Variants in ABCG1 observed in about 807,000 individuals in gnomAD.
ABCG1 encodes the protein ATP binding cassette subfamily G member 1, also known as ATP-binding cassette sub-family G member 1.
Under a neutral mutation model 69.2 loss-of-function variants are expected in ABCG1, and 29 were observed. The ratio of observed to expected loss-of-function variants is 0.42; its 90% CI spans 0.31 to 0.57. The LOEUF is 0.57. ABCG1 is among the 20% of genes least tolerant of loss of function. The probability of loss-of-function intolerance (pLI) is 0.15; values close to 1 mark genes in which losing one functional copy is unlikely to be tolerated. For synonymous variants in ABCG1, 370 were observed against 374.8 expected (o/e 0.99, Z 0.15); for missense variants, 718 against 898.1 (o/e 0.80, Z 2.56).
At chr21:42,237,084 C>G (rs1443014903) in intron 2 of ABCG1, among the ~76,000 whole-genome samples, 1 of 152,220 alleles carries the variant, frequency 6.6e-6, no homozygotes, top group Non-Finnish European at 1.5e-5. Context: ...CCATGTGCCC[C>G]TGCCCAAACC....
intron 5 of ABCG1, among the ~76,000 whole-genome samples, chr21:42,277,494 G>A (rs1290802053): frequency 2.5e-4 from 38 of 151,896 alleles, no homozygotes; most frequent in Non-Finnish European, 2.9e-5. Context: ...CCTAAACCCA[G>A]GGAGCAGGGA....
At position 42,255,489 on chromosome 21, in the gene ABCG1, G is replaced by A. The variant is rs368125525; in HGVS notation, c.287-15581G>A. 8.5e-5 allele frequency among the ~76,000 whole-genome samples: 13 copies of A among 152,320 alleles called. 1 individual carries two copies. The highest frequency in any genetic ancestry group is 1.9e-4 in the East Asian group (1 of 5,188). On this transcript the variant is annotated intron_variant, in intron 2 of 14. Coordinates refer to ENST00000398449, the MANE Select transcript of ABCG1 (RefSeq NM_016818.3). ...GCGTGTGCCTGTGTGCACATGGTGT[G>A]TGCATGGCATGGGTGTGTATCATGG... is the stretch of plus-strand genomic sequence containing the variant.
intron 2 of ABCG1, among the ~76,000 whole-genome samples, chr21:42,237,964 G>A (rs530066477): frequency 2.0e-5 from 3 of 152,292 alleles, no homozygotes; most frequent in African/African-American, 7.2e-5. Flanking sequence ...TGCAGAACAG[G>A]GCTGATCCAA....
intron 5 of ABCG1, among the ~76,000 whole-genome samples, chr21:42,280,184 C>T (rs1054207180): frequency 6.6e-6 from 1 of 152,226 alleles, no homozygotes; most frequent in African/African-American, 2.4e-5. Context: ...ATCGGGCCCA[C>T]CATCAGGATT....
rs151270569 is a variant in ABCG1, at chr21:42,263,814, G to T, written c.287-7256G>T. On this transcript the variant is annotated intron_variant, in intron 2 of 14. Transcript: ENST00000398449. ...CTCTGGGCATTGCCTGATGGCTCTG[G>T]TCCCAAAGGGGTCTGTCCTGTCAGA... is the stretch of plus-strand genomic sequence containing the variant. Among the ~76,000 whole-genome samples the T allele has an allele frequency of 2.5e-3, 381 of 152,354 alleles. 2 individuals are homozygous for T. Among genetic ancestry groups the T allele is most frequent in the African/African-American group, 8.9e-3 (368 of 41,576 alleles).
At chr21:42,242,329 C>T (rs564427587) in intron 2 of ABCG1, among the ~76,000 whole-genome samples, 14 of 152,322 alleles carry the variant, frequency 9.2e-5, no homozygotes, top group African/African-American at 2.6e-4. Flanking sequence ...CATAGCGAGA[C>T]GCTGTCTCTA....
chr21:42,257,328 G>A (rs1219191085), intron 2 of ABCG1, among the ~76,000 whole-genome samples: 1 of 152,246 alleles, frequency 6.6e-6, no homozygotes, highest in Non-Finnish European at 1.5e-5. Flanking sequence ...AGCTGGGCTG[G>A]AGTCTATGTA....
At chr21:42,272,663 C>T (rs1455368017) in intron 3 of ABCG1, among the ~76,000 whole-genome samples, 3 of 152,226 alleles carry the variant, frequency 2.0e-5, no homozygotes, top group Non-Finnish European at 4.4e-5. Flanking sequence ...CAGAGGCGCA[C>T]AGTAGGTCTG....
chr21:42,259,403 C>T (rs915842), intron 2 of ABCG1: 258,021 of 1,548,854 alleles, frequency 0.17, 23,472 homozygotes, highest in African/African-American at 0.35. Context: ...CCTGCAAAAT[C>T]GAAAATGTCT....
chr21:42,279,931 C>T (rs891670850), intron 5 of ABCG1, among the ~76,000 whole-genome samples: 1 of 152,220 alleles, frequency 6.6e-6, no homozygotes, highest in South Asian at 2.1e-4. Context: ...GCCTAAGACA[C>T]GGCCCGGATG....
chr21:42,260,183 G>A (rs1483955062), intron 2 of ABCG1: 5 of 1,549,920 alleles, frequency 3.2e-6, no homozygotes, highest in African/African-American at 2.7e-5. Flanking sequence ...CTGGTCACGT[G>A]GCCCTAAAGG....
intron 3 of ABCG1, 93 bp downstream of exon 3, chr21:42,271,280 G>A (rs1172838278): frequency 1.2e-6 from 1 of 811,764 alleles, no homozygotes; most frequent in East Asian, 3.0e-5. Context: ...CCATCACCTG[G>A]AGCAGGCTGT....
chr21:42,205,747 T>C (rs1157123008), intron 2 of ABCG1, among the ~76,000 whole-genome samples: 1 of 152,236 alleles, frequency 6.6e-6, no homozygotes, highest in Non-Finnish European at 1.5e-5. Context: ...TTCTCTCCTT[T>C]TTCTACATTC....
chr21:42,246,177 G>T (rs1297699721), intron 2 of ABCG1, among the ~76,000 whole-genome samples: 1 of 152,150 alleles, frequency 6.6e-6, no homozygotes. Flanking sequence ...TTTGCAGAAC[G>T]GTGCAGTGAC....
chr21:42,288,128 C>T lies in ABCG1; in HGVS notation c.1123-83C>T, dbSNP rs2068981027. On this transcript the variant is annotated intron_variant, in intron 9 of 14. Transcript: ENST00000398449. This position sits in a 1 kb window ranked among gnomAD's most constrained non-coding sequence, Gnocchi z 4.8. The stretch of plus-strand genomic sequence containing the variant: ...AGGCTGCACGTGGCACCGTGCACTG[C>T]TGCATGAGAGCTCTTTCCGAGCAAG... The T allele has an allele frequency of 6.2e-7, 1 of 1,611,220 alleles. No individual in the cohort carries two copies. Among genetic ancestry groups the T allele is most frequent in the Non-Finnish European group, 8.5e-7 (1 of 1,177,406 alleles).
At position 42,219,998 on chromosome 21, in the gene ABCG1, G is replaced by T. The variant is rs2123496097; in HGVS notation, c.42+694G>T. ...TGCGCATTTCACTTCCCCGAGCTCC[G>T]GAGAGGGATGGCGGGGTGTCGGCGA... On this transcript the variant is annotated intron_variant, in intron 1 of 14. Coordinates refer to ENST00000398449, the MANE Select transcript of ABCG1 (RefSeq NM_016818.3). The surrounding 1 kb of genome is among the most constrained non-coding windows in gnomAD (Gnocchi z 5.3). 6.4e-7 allele frequency: 1 copy of T among 1,553,508 alleles called. No homozygotes were observed. Among genetic ancestry groups the T allele is most frequent in the Non-Finnish European group, 8.7e-7 (1 of 1,147,898 alleles).
chr21:42,221,691 T>C (rs1007139481), intron 1 of ABCG1, among the ~76,000 whole-genome samples: 1 of 152,180 alleles, frequency 6.6e-6, no homozygotes, highest in African/African-American at 2.4e-5. Flanking sequence ...TTAGGATGCT[T>C]AGGCAGGTAC....
At chr21:42,221,125 C>A (rs962022653) in intron 1 of ABCG1, 1 of 151,856 alleles carries the variant, frequency 6.6e-6, no homozygotes, top group African/African-American at 2.4e-5. Context: ...AAATTATTTT[C>A]CTCTCTGAAA....
rs144799342 is a variant in ABCG1 at position 42,229,564 on chromosome 21, A to C, written c.286+3650A>C. 8.2e-3 allele frequency among the ~76,000 whole-genome samples: 1,239 copies of C among 151,930 alleles called. 10 individuals are homozygous for C. Among genetic ancestry groups the C allele is most frequent in the Middle Eastern group, 0.014 (4 of 294 alleles). On this transcript the variant is annotated intron_variant, in intron 2 of 14. Coordinates refer to ENST00000398449, the MANE Select transcript of ABCG1 (RefSeq NM_016818.3). Reference sequence around the variant, plus strand: ...GAAACCCTGTCTCTAGTAGAAATACAAAAAAAATAGCCAAGCGTGGTGGCG... The same window carrying C: ...GAAACCCTGTCTCTAGTAGAAATACCAAAAAAATAGCCAAGCGTGGTGGCG...
Sources: allele counts gnomAD v4.1 joint callset (sites outside exome capture counted in the v4.1 genomes callset), GRCh38; gene constraint gnomAD v4.1.1; non-coding constraint Gnocchi (gnomAD v3.1); transcripts MANE v1.5; gene names NCBI Gene and HGNC (gene_info 2026-07-23, HGNC 2026-07-21).